Variants in WDR1 observed in about 807,000 individuals in gnomAD.
The protein encoded by WDR1 is WD repeat domain 1, also known as WD repeat-containing protein 1.
Under a neutral mutation model 71.9 loss-of-function variants are expected in WDR1, and 21 were observed. That is an observed-to-expected ratio of 0.29 (90% CI 0.21 to 0.42). The LOEUF (loss-of-function observed/expected upper bound fraction) is 0.42, where lower values mean the gene tolerates loss of function less well. Among genes scored for constraint, WDR1 ranks in the 10% least tolerant of loss-of-function variants. The pLI is 1.00. For missense variants in WDR1, 696 were observed against 824.5 expected (o/e 0.84, Z 1.91); for synonymous variants, 424 against 347.4 (o/e 1.22, Z -2.45).
intron 11 of WDR1, 122 bp from the exon 12 acceptor site, chr4:10,079,123 C>G: frequency 1.5e-6 from 1 of 674,948 alleles, no homozygotes; most frequent in Non-Finnish European, 2.5e-6. Flanking sequence ...TACCCAACCT[C>G]TTTGCAGGGC....
intron 2 of WDR1, among the ~76,000 whole-genome samples, chr4:10,104,595 G>A (rs1712908075): frequency 1.3e-5 from 2 of 152,190 alleles, no homozygotes; most frequent in Non-Finnish European, 2.9e-5. Flanking sequence ...GCCAACATTT[G>A]AGACTAGAAG....
intron 14 of WDR1, chr4:10,076,648 C>G (rs1021105389): frequency 6.6e-6 from 1 of 152,306 alleles, no homozygotes; most frequent in Non-Finnish European, 1.5e-5. Flanking sequence ...GGGGAATGGG[C>G]TCTGGGGGTG....
In WDR1 at chr4:10,075,325, C is replaced by A; in HGVS notation, c.*53G>T. On this transcript the variant is annotated 3_prime_UTR_variant, in exon 15 of 15. Transcript: ENST00000499869. ...AATAGAGAAATGACATGTTCCGCTG[C>A]AGTTAAACTCTAGTCCCTGATTCGG... 1 of 1,511,034 alleles carries A rather than the reference C, an allele frequency of 6.6e-7. No individual in the cohort carries two copies. Among genetic ancestry groups the A allele is most frequent in the South Asian group, 1.1e-5 (1 of 88,492 alleles). 93.6% of individuals were successfully genotyped at this position (1,511,034 alleles called of 1,614,324 possible).
At chr4:10,087,639 C>T in intron 8 of WDR1, 68 bp downstream of exon 8, 1 of 1,447,478 alleles carries the variant, frequency 6.9e-7, no homozygotes, top group Non-Finnish European at 9.3e-7. Context: ...GTTCCCCTTC[C>T]TTGCTGGCCA....
chr4:10,091,207 G>C (rs375518099), intron 5 of WDR1, among the ~76,000 whole-genome samples: 1 of 152,264 alleles, frequency 6.6e-6, no homozygotes, highest in East Asian at 1.9e-4. Context: ...CCTTCCTTGT[G>C]TTTAAGCGCA....
rs78028365 is a variant in WDR1 at position 10,115,081 on chromosome 4, T to C, written c.138+1032A>G. Among the ~76,000 whole-genome samples the C allele has an allele frequency of 8.8e-3, 1,334 of 152,340 alleles. 18 individuals carry two copies. Among genetic ancestry groups the C allele is most frequent in the African/African-American group, 0.03 (1,257 of 41,568 alleles). On this transcript the variant is annotated intron_variant, in intron 2 of 14. Transcript: ENST00000499869. Reference sequence around the variant, plus strand: ...CTACCAAGGGAAATCAGGCTGACTTTAAGTTGACAACCCTTGTATGCCTAT... The same window carrying C: ...CTACCAAGGGAAATCAGGCTGACTTCAAGTTGACAACCCTTGTATGCCTAT...
rs775876951 is a variant in WDR1, at chr4:10,099,042, A to T, written c.327T>A (p.Ala109=). Residue 109 remains alanine (A), a synonymous_variant, in exon 4 of 15, where the codon GCT becomes GCA. Coordinates refer to ENST00000499869, the MANE Select transcript of WDR1 (RefSeq NM_017491.5). ...CGATCCTCTTACTGTCTTCAGTCCA[A>T]GCAATGTCTTTGATCTTCCCAGCGA... The part of the protein sequence containing the change: ...QPFAGKIKDI[A]WTEDSKRIAV... The T allele has an allele frequency of 3.1e-6, 5 of 1,613,844 alleles. No homozygotes were observed. The Admixed American group carries it at 8.3e-5, about 27-fold the overall frequency.
intron 12 of WDR1, 117 bp downstream of exon 12, chr4:10,078,774 C>A: frequency 2.3e-6 from 2 of 854,370 alleles, no homozygotes; most frequent in African/African-American, 3.5e-5. Flanking sequence ...CTGCCCCCAT[C>A]CTTCCCCTGA....
intron 10 of WDR1, among the ~76,000 whole-genome samples, chr4:10,082,468 C>T (rs899311864): frequency 3.3e-5 from 5 of 152,170 alleles, no homozygotes; most frequent in Non-Finnish European, 7.3e-5. Context: ...CTTTCAAGTC[C>T]CTCCAACTGC....
chr4:10,079,072 C>T (rs912750878), intron 11 of WDR1, 71 bp from the exon 12 acceptor site: 51 of 1,290,444 alleles, frequency 4.0e-5, no homozygotes, highest in Non-Finnish European at 4.7e-5. Context: ...GTAGGAGGGG[C>T]GCGTCCCTGT....
Position 10,116,272 on chromosome 4 carries a change from G to A in WDR1, c.17-38C>T, listed in dbSNP as rs751019122. The stretch of plus-strand genomic sequence containing the variant: ...AAATGCGGCGGGGCATGTCAGGGCA[G>A]GGCGGGGACGGCGGGGACAGAAGGG... On this transcript the variant is annotated intron_variant, in intron 1 of 14. Transcript: ENST00000499869. The A allele has an allele frequency of 5.3e-5, 86 of 1,612,200 alleles. No homozygotes were observed. The African/African-American group carries it at 8.0e-4, about 15-fold the overall frequency.
intron 5 of WDR1, among the ~76,000 whole-genome samples, chr4:10,090,977 TC>T (rs1484128763): frequency 6.6e-6 from 1 of 152,240 alleles, no homozygotes; most frequent in African/African-American, 2.4e-5. Flanking sequence ...CCAGGCTGGC[TC>T]AGTCTGAACT....
intron 14 of WDR1, 143 bp from the exon 15 acceptor site, chr4:10,075,627 T>A (rs1764771202): frequency 1.4e-6 from 1 of 730,226 alleles, no homozygotes; most frequent in Non-Finnish European, 2.3e-6. Context: ...CTCAGGAGCC[T>A]GGCACGGTGG....
chr4:10,101,587 T>C (rs1040415160), intron 3 of WDR1, among the ~76,000 whole-genome samples: 2 of 152,248 alleles, frequency 1.3e-5, no homozygotes, highest in African/African-American at 2.4e-5. Flanking sequence ...TCAGGGCACT[T>C]TTCAGGGAGG....
chr4:10,111,646 C>A (rs770616524), intron 2 of WDR1, among the ~76,000 whole-genome samples: 3 of 152,162 alleles, frequency 2.0e-5, no homozygotes, highest in Non-Finnish European at 4.4e-5. Context: ...AGTCAGCAGG[C>A]GTCCAATTCC....
intron 5 of WDR1, among the ~76,000 whole-genome samples, chr4:10,090,664 G>A (rs1212613355): frequency 6.6e-5 from 10 of 152,210 alleles, no homozygotes; most frequent in Admixed American, 1.3e-4. Context: ...GCTGGGGTCA[G>A]GCTGGACACA....
chr4:10,115,092 C>T (rs933373922), intron 2 of WDR1, among the ~76,000 whole-genome samples: 1 of 152,216 alleles, frequency 6.6e-6, no homozygotes, highest in African/African-American at 2.4e-5. Context: ...AAGTTGACAA[C>T]CCTTGTATGC....
At chr4:10,085,781 C>T (rs56356036) in intron 8 of WDR1, among the ~76,000 whole-genome samples, 1,593 of 152,342 alleles carry the variant, frequency 0.01, 21 homozygotes, top group African/African-American at 0.036. Context: ...GGTTCTAACA[C>T]GCAGCCTGGG....
At chr4:10,105,477 A>G (rs1403595633) in intron 2 of WDR1, among the ~76,000 whole-genome samples, 1 of 152,262 alleles carries the variant, frequency 6.6e-6, no homozygotes, top group Admixed American at 6.5e-5. Flanking sequence ...CAAGGTGTCT[A>G]TCCAAAGAAG....
Sources: gnomAD v4.1 joint callset for allele counts (sites outside exome capture counted in the v4.1 genomes callset) on GRCh38, gnomAD v4.1.1 for gene constraint, MANE v1.5 for transcripts, NCBI Gene and HGNC (gene_info 2026-07-23, HGNC 2026-07-21) for gene names.